The following SAP130 variants were observed in gnomAD, a reference collection of about 807,000 sequenced individuals.
The protein encoded by SAP130 is Sin3A associated protein 130, also known as histone deacetylase complex subunit SAP130.
SAP130 carries 16 observed loss-of-function variants against 103.2 expected under a neutral mutation model. The observed-to-expected ratio is 0.16, with a 90% CI of 0.10 to 0.24. The LOEUF (loss-of-function observed/expected upper bound fraction) is 0.24, where lower values mean the gene tolerates loss of function less well. SAP130 is among the 10% of genes least tolerant of loss of function. The probability of loss-of-function intolerance (pLI) is 1.00; values close to 1 mark genes in which losing one functional copy is unlikely to be tolerated. For missense variants in SAP130, 990 were observed against 1,359.7 expected, an observed-to-expected ratio of 0.73 and a Z score of 4.28; for synonymous variants, 477 against 497.0, an observed-to-expected ratio of 0.96 and a Z score of 0.53.
chr2:128,023,498 C>T (rs115862664), intron 2 of SAP130, among the ~76,000 whole-genome samples: 2,545 of 152,182 alleles, frequency 0.017, 24 homozygotes, highest in Middle Eastern at 0.034. Flanking sequence ...CTGAAAAGAC[C>T]ATCAGGCGCA....
chr2:127,947,239 G>GC (rs971385473), intron 18 of SAP130, among the ~76,000 whole-genome samples: 17 of 152,016 alleles, frequency 1.1e-4, no homozygotes, highest in Non-Finnish European at 2.9e-5. Context: ...TGGACTTCTA[G>GC]CCCCCAGAAC....
Position 127,947,764 on chromosome 2 carries a change from C to CTGTGTGTGTG in SAP130, c.2797+2095_2797+2104dup, listed in dbSNP as rs1553500423. 4.1e-3 allele frequency among the ~76,000 whole-genome samples: 588 copies of CTGTGTGTGTG among 143,396 alleles called. 7 individuals carry two copies. Among genetic ancestry groups the CTGTGTGTGTG allele is most frequent in the African/African-American group, 0.013 (478 of 38,154 alleles). The allele number at this position is 143,396 out of a possible 152,430, so 94.1% of individuals were successfully genotyped here. On this transcript the variant is annotated intron_variant, in intron 18 of 20. Coordinates refer to ENST00000643581, the MANE Select transcript of SAP130 (RefSeq NM_001330301.2). The stretch of plus-strand genomic sequence containing the variant: ...TGAATTAATTTTGTATTGTGTGTGT[C>CTGTGTGTGTG]TGTGTGTGTGTGTGTGTGTGTGTGT...
At chr2:127,951,589 G>A (rs369366954) in intron 16 of SAP130, among the ~76,000 whole-genome samples, 1 of 152,028 alleles carries the variant, frequency 6.6e-6, no homozygotes, top group Admixed American at 6.5e-5. Flanking sequence ...CTCCCCCATC[G>A]CTAGGTCTGA....
chr2:128,003,307 G>A (rs1320013245), intron 7 of SAP130, among the ~76,000 whole-genome samples: 2 of 151,762 alleles, frequency 1.3e-5, no homozygotes, highest in Non-Finnish European at 2.9e-5. Context: ...AGGAATTTGA[G>A]ACCAGCCTGA....
At chr2:127,983,533 A>G (rs1559067444) in intron 14 of SAP130, among the ~76,000 whole-genome samples, 1 of 152,208 alleles carries the variant, frequency 6.6e-6, no homozygotes. Context: ...AGACAGCTGC[A>G]GGGCAAGTTG....
chr2:127,997,232 T>C (rs1455710891), intron 10 of SAP130, among the ~76,000 whole-genome samples: 4 of 152,252 alleles, frequency 2.6e-5, no homozygotes, highest in Non-Finnish European at 5.9e-5. Flanking sequence ...CAATCCAATT[T>C]TGTTTGGAAG....
Position 127,986,690 on chromosome 2 carries a change from T to G in SAP130, c.1958+95A>C. The G allele has an allele frequency of 8.4e-6, 11 of 1,305,296 alleles. No homozygotes were observed. Among genetic ancestry groups the G allele is most frequent in the Non-Finnish European group, 1.1e-5 (10 of 935,792 alleles). The allele number at this position is 1,305,296 out of a possible 1,614,324, so 80.9% of individuals were successfully genotyped here. On this transcript the variant is annotated intron_variant, in intron 14 of 20. Transcript: ENST00000643581. The surrounding 1 kb of genome is among the most constrained non-coding windows in gnomAD (Gnocchi z 4.7). ...TTAACACACCACAGAAAATGAGAGA[T>G]GAGTTTGATACCAGCATTAGATAAG... is the stretch of plus-strand genomic sequence containing the variant.
chr2:127,991,897 T>TGCC (rs1392839141), intron 12 of SAP130, among the ~76,000 whole-genome samples: 1 of 152,262 alleles, frequency 6.6e-6, no homozygotes, highest in African/African-American at 2.4e-5. Context: ...TGGCCACACA[T>TGCC]GCCGCTGGCT....
chr2:128,014,673 C>T (rs1323910702), intron 5 of SAP130, 130 bp downstream of exon 5: 1 of 666,034 alleles, frequency 1.5e-6, no homozygotes, highest in Non-Finnish European at 2.6e-6. Flanking sequence ...TTATTTGGTT[C>T]ACGGTTCTGC....
chr2:127,988,232 G>A (rs1177298118), intron 13 of SAP130, among the ~76,000 whole-genome samples: 2 of 152,006 alleles, frequency 1.3e-5, no homozygotes, highest in African/African-American at 4.8e-5. Flanking sequence ...AGACCAGCCT[G>A]GGCAACAAGC....
At chr2:127,983,193 C>G (rs1480694186) in intron 14 of SAP130, among the ~76,000 whole-genome samples, 1 of 152,188 alleles carries the variant, frequency 6.6e-6, no homozygotes, top group Admixed American at 6.5e-5. Context: ...TAGATCTGCC[C>G]TGCCCAACAA....
intron 4 of SAP130, 152 bp downstream of exon 4, chr2:128,016,237 C>A: frequency 1.3e-6 from 1 of 759,456 alleles, no homozygotes; most frequent in Admixed American, 2.9e-5. Context: ...AGTTATCCTT[C>A]TCTCTCAAAC....
At chr2:128,005,409 G>C (rs570177886) in intron 7 of SAP130, among the ~76,000 whole-genome samples, 4 of 152,038 alleles carry the variant, frequency 2.6e-5, no homozygotes, top group Non-Finnish European at 5.9e-5. Flanking sequence ...CTGAGGTCAG[G>C]AGTTCGAGAC....
Position 127,941,490 on chromosome 2 carries a change from T to C in SAP130, c.*516A>G, listed in dbSNP as rs1415715366. On this transcript the variant is annotated 3_prime_UTR_variant, in exon 21 of 21. Coordinates refer to ENST00000643581, the MANE Select transcript of SAP130 (RefSeq NM_001330301.2). ...AGTTCAAACCCTTTAGAGTGTGAGA[T>C]GTGGCAGCTCGCTTGGTGCCGTGGC... 2 of 154,456 alleles carry C rather than the reference T, an allele frequency of 1.3e-5. No individual in the cohort carries two copies. Among genetic ancestry groups the C allele is most frequent in the African/African-American group, 2.4e-5 (1 of 41,442 alleles). 9.6% of individuals were successfully genotyped at this position (154,456 alleles called of 1,614,324 possible). A position where few individuals can be genotyped will look rare whatever the true frequency, so the allele number is the denominator to read the frequency against.
chr2:127,968,415 T>G (rs1330669928), intron 15 of SAP130, among the ~76,000 whole-genome samples: 19 of 126,516 alleles, frequency 1.5e-4, no homozygotes, highest in African/African-American at 1.8e-4. Flanking sequence ...CCGGAGTTGG[T>G]TTTTTTTTTT....
chr2:127,976,637 C>T (rs1157965265), intron 15 of SAP130, among the ~76,000 whole-genome samples: 16 of 152,346 alleles, frequency 1.1e-4, no homozygotes. Flanking sequence ...TGGGGCCGGG[C>T]ACGGTGGCTC....
chr2:127,975,196 TAAAG>T (rs1289964695), intron 15 of SAP130, among the ~76,000 whole-genome samples: 1 of 152,140 alleles, frequency 6.6e-6, no homozygotes, highest in Non-Finnish European at 1.5e-5. Flanking sequence ...AAACAGTTCA[TAAAG>T]AAAACAAAGC....
Position 127,955,000 on chromosome 2 carries a change from A to T in SAP130, c.2408T>A (p.Met803Lys). Residue 803 changes from methionine (M) to lysine (K), a missense_variant, in exon 16 of 21, where the codon ATG becomes AAG. Met to Lys is a moderately conservative substitution (Grantham distance 95). Coordinates refer to ENST00000643581, the MANE Select transcript of SAP130 (RefSeq NM_001330301.2). ...VKEEVEPMDIMRPVSAVPPLA... is the reference protein window; with the variant it reads ...VKEEVEPMDIKRPVSAVPPLA... The stretch of plus-strand genomic sequence containing the variant: ...GACGGACTTACCAGAAACTGGCCTC[A>T]TGATATCCATTGGTTCTACTTCTTC... 6.2e-7 allele frequency: 1 copy of T among 1,609,560 alleles called. No individual in the cohort carries two copies. Among genetic ancestry groups the T allele is most frequent in the Non-Finnish European group, 8.5e-7 (1 of 1,177,176 alleles).
In SAP130 at chr2:127,965,485, T is replaced by C. The variant is rs146972623; in HGVS notation, c.2064-10141A>G. 2.1e-3 allele frequency among the ~76,000 whole-genome samples: 311 copies of C among 149,502 alleles called. 5 individuals are homozygous for C. The highest frequency in any genetic ancestry group is 0.016 in the Admixed American group (242 of 15,064). ...GATTCTGTCTCAAAAACAAAAAAAG[T>C]GAGGGGTGGAGGGCGGGGCAGGGAG... On this transcript the variant is annotated intron_variant, in intron 15 of 20. Transcript: ENST00000643581.
Sources: gnomAD v4.1 joint callset for allele counts (sites outside exome capture counted in the v4.1 genomes callset) on GRCh38, gnomAD v4.1.1 for gene constraint, Gnocchi (gnomAD v3.1) non-coding constraint, MANE v1.5 for transcripts, NCBI Gene and HGNC (gene_info 2026-07-23, HGNC 2026-07-21) for gene names.